TTC12: variants seen among roughly 807,000 people sequenced by gnomAD.
TTC12 encodes the protein tetratricopeptide repeat domain 12.
TTC12 carries 70 observed loss-of-function variants against 90.1 expected under a neutral mutation model. That is an observed-to-expected ratio of 0.78 (90% CI 0.64 to 0.95). The LOEUF is 0.95. Ranked by LOEUF, TTC12 falls within the 40% of genes least tolerant of loss-of-function variation. TTC12 has a pLI of 0.00. For missense variants in TTC12, 819 were observed against 846.1 expected (o/e 0.97, Z 0.40); for synonymous variants, 296 against 311.5 (o/e 0.95, Z 0.53).
intron 12 of TTC12, among the ~76,000 whole-genome samples, chr11:113,343,446 T>C (rs1565602184): frequency 6.6e-6 from 1 of 152,206 alleles, no homozygotes; most frequent in Non-Finnish European, 1.5e-5. Flanking sequence ...AACGAAAACA[T>C]GGTTTGATAT....
intron 2 of TTC12, among the ~76,000 whole-genome samples, chr11:113,321,888 G>A (rs1388448385): frequency 6.6e-6 from 1 of 152,210 alleles, no homozygotes; most frequent in African/African-American, 2.4e-5. Context: ...ATGGATATAT[G>A]TGTGAGTCCA....
downstream of TTC12, among the ~76,000 whole-genome samples, chr11:113,367,207 G>C (rs187488395): frequency 5.9e-4 from 90 of 152,256 alleles, no homozygotes; most frequent in Non-Finnish European, 1.2e-4. Flanking sequence ...TAGGAGGCAG[G>C]GTCTTCATGG....
rs781827799 is a variant in TTC12 at position 113,323,365 on chromosome 11, C to T, written c.136C>T (p.Leu46=). The change falls in exon 3 of 22, where the codon CTG becomes TTG. Residue 46 remains leucine (L), a synonymous_variant. Coordinates refer to ENST00000529221, the MANE Select transcript of TTC12 (RefSeq NM_017868.4). The part of the protein sequence containing the change: ...KAVLETEKRL[L]LMEEDQEEDE... The stretch of plus-strand genomic sequence containing the variant: ...TGTCCTGGAGACAGAAAAGAGACTA[C>T]TGCTTATGGAGGAAGACCAGGAGGA... 1.9e-6 allele frequency: 3 copies of T among 1,613,482 alleles called. No homozygotes were observed. Among genetic ancestry groups the T allele is most frequent in the Non-Finnish European group, 1.7e-6 (2 of 1,179,768 alleles).
chr11:113,340,983 A>C (rs967426458), intron 11 of TTC12, among the ~76,000 whole-genome samples: 2 of 152,200 alleles, frequency 1.3e-5, no homozygotes, highest in East Asian at 3.8e-4. Context: ...TAATCCCAGC[A>C]TTTTGGGAGG....
intron 2 of TTC12, among the ~76,000 whole-genome samples, chr11:113,322,360 A>G (rs936689555): frequency 2.0e-5 from 3 of 152,218 alleles, no homozygotes; most frequent in Non-Finnish European, 4.4e-5. Context: ...TATGCAAAAT[A>G]TGACAATGGA....
At chr11:113,370,143 C>T (rs1950343110), downstream of TTC12, among the ~76,000 whole-genome samples, 1 of 152,172 alleles carries the variant, frequency 6.6e-6, no homozygotes, top group African/African-American at 2.4e-5. Context: ...GGGCCTGGGG[C>T]CAGGGGTGCA....
At chr11:113,338,643 T>A (rs1948507859) in intron 8 of TTC12, 131 bp from the exon 9 acceptor site, 1 of 614,848 alleles carries the variant, frequency 1.6e-6, no homozygotes, top group Admixed American at 2.9e-5. Context: ...TTCCTATGCC[T>A]GTCTCCTGCA....
At position 113,350,112 on chromosome 11, in the gene TTC12, TAAG is replaced by T. The variant is rs1555149558; in HGVS notation, c.1195_1197del (p.Lys399del). ...TGGTGTCATTTCTTGATTTCTCGGA[TAAG>T]GAGGCCAACACTGCTATGGGACTGT... On this transcript the variant is annotated inframe_deletion, in exon 14 of 22. Coordinates refer to ENST00000529221, the MANE Select transcript of TTC12 (RefSeq NM_017868.4). 6.2e-7 allele frequency: 1 copy of T among 1,614,026 alleles called. No homozygotes were observed. The highest frequency in any genetic ancestry group is 1.7e-5 in the Admixed American group (1 of 60,024).
chr11:113,316,189 G>A (rs918167766), intron 1 of TTC12, 54 bp from the exon 2 acceptor site: 5 of 869,898 alleles, frequency 5.7e-6, no homozygotes, highest in Non-Finnish European at 8.2e-6. Context: ...AAGCCTGACC[G>A]TTCTGTTTAG....
chr11:113,343,758 G>A (rs1555146961), intron 12 of TTC12, among the ~76,000 whole-genome samples: 1 of 152,180 alleles, frequency 6.6e-6, no homozygotes, highest in Non-Finnish European at 1.5e-5. Flanking sequence ...TTATGTTCTA[G>A]GAAGGAGGGC....
intron 16 of TTC12, among the ~76,000 whole-genome samples, chr11:113,358,432 T>TA (rs535636688): frequency 5.5e-4 from 84 of 152,176 alleles, no homozygotes; most frequent in Non-Finnish European, 1.1e-3. Context: ...GTGCAGAAGC[T>TA]ATGGTGTGGG....
intron 12 of TTC12, among the ~76,000 whole-genome samples, chr11:113,342,191 G>C (rs531776978): frequency 6.6e-6 from 1 of 152,324 alleles, no homozygotes; most frequent in African/African-American, 2.4e-5. Context: ...CATGACTTCT[G>C]TTCATGCACT....
rs147647661 is a variant in TTC12, at chr11:113,352,098, C to T, written c.1337C>T (p.Ser446Leu). Residue 446 changes from serine to leucine, a missense_variant, in exon 16 of 22, where the codon TCG (serine) becomes TTG (leucine). Transcript: ENST00000529221. ...ACAGATCCCAAGGTAAGCAGCTCCTCGGCTCTGTGCCAGTGCATTGCCATC... is the reference window on the plus strand; with the variant it reads ...ACAGATCCCAAGGTAAGCAGCTCCTTGGCTCTGTGCCAGTGCATTGCCATC... ...LKTDPKVSSS[S>L]ALCQCIAIMG... is the part of the protein sequence containing the mutation. The T allele has an allele frequency of 1.1e-5, 18 of 1,614,008 alleles. No individual in the cohort carries two copies. The Admixed American group carries it at 1.5e-4, about 13-fold the overall frequency.
rs374497020 is a variant in TTC12, at chr11:113,324,036, C to T, written c.244+21C>T. On this transcript the variant is annotated intron_variant, in intron 4 of 21. Coordinates refer to ENST00000529221, the MANE Select transcript of TTC12 (RefSeq NM_017868.4). ...CTCAGGTAAGGACAGCATCTCTCTT[C>T]CCAATTTTCATTCTTTATATAGGAC... 1.9e-6 allele frequency: 3 copies of T among 1,601,798 alleles called. No homozygotes were observed. In the African/African-American group the frequency reaches 4.0e-5, roughly 21 times the overall value.
chr11:113,353,396 A>G (rs1188373370), intron 16 of TTC12, among the ~76,000 whole-genome samples: 1 of 152,060 alleles, frequency 6.6e-6, no homozygotes, highest in Non-Finnish European at 1.5e-5. Context: ...GTTTGCAAAA[A>G]CTTTCTCCCA....
chr11:113,340,638 A>C (rs782152815), intron 10 of TTC12, 26 bp from the exon 11 acceptor site: 13 of 1,599,796 alleles, frequency 8.1e-6, no homozygotes. Flanking sequence ...GGGAGTCTGA[A>C]GTGGTTTTCT....
At position 113,341,924 on chromosome 11, in the gene TTC12, CG is replaced by C. The variant is rs781943959; in HGVS notation, c.985+1del. ...TCTGGCAAGCAGTGTGCAGCAGGAA[CG>C]GTAAGCCTGGGTAATCACCGTTGAT... Reference protein sequence around the residue: ...KLWQAVCSRNEENQRVLVIHH... With the variant: ...KLWQAVCSRNXENQRVLVIHH... On this transcript the variant is annotated frameshift_variant and splice_region_variant, in exon 12 of 22. Transcript: ENST00000529221. LOFTEE classifies it high-confidence loss of function. The C allele has an allele frequency of 6.2e-7, 1 of 1,613,448 alleles. No individual in the cohort carries two copies. Among genetic ancestry groups the C allele is most frequent in the Non-Finnish European group, 8.5e-7 (1 of 1,179,416 alleles).
intron 4 of TTC12, 98 bp from the exon 5 acceptor site, chr11:113,324,507 T>TA: frequency 2.3e-6 from 2 of 887,708 alleles, no homozygotes; most frequent in Admixed American, 4.4e-5. Flanking sequence ...TGCATATGCA[T>TA]ACGTGTGGCT....
chr11:113,366,284 AC>A lies in TTC12; in HGVS notation c.2103del (p.Tyr701Ter). The A allele has an allele frequency of 6.2e-7, 1 of 1,613,736 alleles. No homozygotes were observed. The highest frequency in any genetic ancestry group is 2.2e-5 in the East Asian group (1 of 44,890). Reference sequence around the variant, plus strand: ...GAAATTCTCAACTCTACGATGAAATACATCAGTGATTCTTGAGAGAGACAGG... The same window carrying A: ...GAAATTCTCAACTCTACGATGAAATAATCAGTGATTCTTGAGAGAGACAGG... ...GLEILNSTMK[Y>X]ISDS On this transcript the variant is annotated frameshift_variant, in exon 22 of 22. Transcript: ENST00000529221. LOFTEE classifies it high-confidence loss of function.
Sources: gnomAD v4.1 joint callset for allele counts (sites outside exome capture counted in the v4.1 genomes callset) on GRCh38, gnomAD v4.1.1 for gene constraint, MANE v1.5 for transcripts, NCBI Gene and HGNC (gene_info 2026-07-23, HGNC 2026-07-21) for gene names.